The following EXOC4 variants were observed in gnomAD, a reference collection of about 807,000 sequenced individuals.
The protein encoded by EXOC4 is exocyst complex component 4, also known as SEC8-like 1.
Under a neutral mutation model 107.2 loss-of-function variants are expected in EXOC4, and 71 were observed. The ratio of observed to expected loss-of-function variants is 0.66; its 90% CI spans 0.55 to 0.81. The LOEUF is 0.81. Among genes scored for constraint, EXOC4 ranks in the 30% least tolerant of loss-of-function variants. EXOC4 has a pLI of 0.00. For missense variants in EXOC4, 1,108 were observed against 1,189.6 expected, an observed-to-expected ratio of 0.93 and a Z score of 1.01; for synonymous variants, 456 against 441.2, an observed-to-expected ratio of 1.03 and a Z score of -0.42.
At chr7:134,089,989 A>T in the EXOC4 span, among the ~76,000 whole-genome samples, 1 of 152,224 alleles carries the variant, frequency 6.6e-6, no homozygotes, top group Non-Finnish European at 1.5e-5. Flanking sequence ...AGAAATGTTT[A>T]CATTTTGGAA....
At chr7:133,859,720 A>G (rs965812943) in intron 11 of EXOC4, among the ~76,000 whole-genome samples, 4 of 152,218 alleles carry the variant, frequency 2.6e-5, no homozygotes, top group Non-Finnish European at 5.9e-5. Context: ...TTCTAGAGAT[A>G]GAACAAAAGG....
At chr7:133,297,912 C>G (rs1794554369) in intron 3 of EXOC4, among the ~76,000 whole-genome samples, 1 of 152,176 alleles carries the variant, frequency 6.6e-6, no homozygotes, top group African/African-American at 2.4e-5. Flanking sequence ...CGTTTGCTGC[C>G]ATCCTCCATC....
chr7:133,552,985 A>G (rs1236594992), intron 9 of EXOC4, among the ~76,000 whole-genome samples: 1 of 152,118 alleles, frequency 6.6e-6, no homozygotes, highest in Admixed American at 6.6e-5. Context: ...TGCTTTTGGT[A>G]TAATTGAAGG....
intron 14 of EXOC4, among the ~76,000 whole-genome samples, chr7:133,987,006 A>G (rs1794130132): frequency 1.3e-5 from 2 of 152,322 alleles, no homozygotes; most frequent in Non-Finnish European, 2.9e-5. Context: ...CACAGACCTA[A>G]TGAGCATTCC....
At chr7:134,085,312 G>T in the EXOC4 span, among the ~76,000 whole-genome samples, 1 of 143,118 alleles carries the variant, frequency 7.0e-6, no homozygotes, top group Non-Finnish European at 1.5e-5. Flanking sequence ...AAGAATACGT[G>T]GCCAAAAAAA....
intron 2 of EXOC4, among the ~76,000 whole-genome samples, chr7:133,283,878 C>T (rs1361226768): frequency 6.6e-6 from 1 of 152,022 alleles, no homozygotes; most frequent in African/African-American, 2.4e-5. Flanking sequence ...TTTTGCTTGC[C>T]ATAATGTTTT....
At chr7:133,374,715 C>T in intron 6 of EXOC4, 113 bp from the exon 7 acceptor site, 1 of 805,648 alleles carries the variant, frequency 1.2e-6, no homozygotes, top group Non-Finnish European at 1.9e-6. Context: ...AACGTTAATG[C>T]TGTTTACATT....
chr7:133,777,084 T>C (rs910109012), intron 10 of EXOC4, among the ~76,000 whole-genome samples: 2 of 152,098 alleles, frequency 1.3e-5, no homozygotes, highest in African/African-American at 4.8e-5. Flanking sequence ...TTTATAAATA[T>C]ATTTTGTTGT....
At chr7:133,823,586 G>A (rs968440197) in intron 11 of EXOC4, among the ~76,000 whole-genome samples, 4 of 151,222 alleles carry the variant, frequency 2.6e-5, no homozygotes, top group African/African-American at 9.7e-5. Context: ...AGGCCGAGGC[G>A]GATGGATCAC....
Position 133,365,698 on chromosome 7 carries a change from C to G in EXOC4, c.1007+9125C>G, listed in dbSNP as rs1478596045. Among the ~76,000 whole-genome samples the G allele has an allele frequency of 2.0e-5, 3 of 152,046 alleles. No individual in the cohort carries two copies. The East Asian group carries it at 5.8e-4, about 29-fold the overall frequency. ...TAAGTGGTAAAACGTATTTCTATCC[C>G]TTAGAAGTAGGTATTAGATAACCTT... On this transcript the variant is annotated intron_variant, in intron 6 of 17. Coordinates refer to ENST00000253861, the MANE Select transcript of EXOC4 (RefSeq NM_021807.4).
intron 7 of EXOC4, among the ~76,000 whole-genome samples, chr7:133,437,853 TCAAAGA>T (rs1798011372): frequency 6.6e-6 from 1 of 152,196 alleles, no homozygotes. Context: ...ATTTTTCTTG[TCAAAGA>T]CAAATTAAAA....
intron 10 of EXOC4, among the ~76,000 whole-genome samples, chr7:133,739,117 G>A (rs1030789961): frequency 2.0e-5 from 3 of 151,900 alleles, no homozygotes; most frequent in Admixed American, 6.6e-5. Context: ...CCATGGTATA[G>A]GACTATACTT....
the EXOC4 span, among the ~76,000 whole-genome samples, chr7:134,072,521 G>A: frequency 2.0e-5 from 3 of 152,118 alleles, no homozygotes; most frequent in African/African-American, 7.2e-5. Context: ...TGCTGCAGAG[G>A]GGAAAGAAGA....
intron 9 of EXOC4, among the ~76,000 whole-genome samples, chr7:133,560,550 A>G (rs971436159): frequency 6.6e-5 from 10 of 152,094 alleles, no homozygotes; most frequent in African/African-American, 2.2e-4. Context: ...TCCCAAAGTG[A>G]TGGGATTATA....
chr7:133,647,646 T>G (rs1803026585), intron 10 of EXOC4, among the ~76,000 whole-genome samples: 1 of 152,068 alleles, frequency 6.6e-6, no homozygotes, highest in South Asian at 2.1e-4. Flanking sequence ...CAGAGGAGGC[T>G]CAAAGGCTCG....
intron 11 of EXOC4, among the ~76,000 whole-genome samples, chr7:133,853,870 G>A (rs1369882047): frequency 1.3e-5 from 2 of 152,190 alleles, no homozygotes; most frequent in Non-Finnish European, 2.9e-5. Context: ...GCCTGTTTGT[G>A]CTGTGCCCTC....
chr7:133,695,484 AT>A (rs558830663), intron 10 of EXOC4, among the ~76,000 whole-genome samples: 39 of 151,838 alleles, frequency 2.6e-4, no homozygotes, highest in Middle Eastern at 6.8e-3. Context: ...TATGTCTAGC[AT>A]TTTTTTTAAT....
intron 5 of EXOC4, among the ~76,000 whole-genome samples, chr7:133,330,610 A>G (rs1029065472): frequency 2.0e-5 from 3 of 152,040 alleles, no homozygotes; most frequent in Non-Finnish European, 4.4e-5. Context: ...AGAAAAGTTC[A>G]GTATCTAGTC....
chr7:133,451,789 ATG>A (rs1205026130), intron 7 of EXOC4, among the ~76,000 whole-genome samples: 1 of 152,162 alleles, frequency 6.6e-6, no homozygotes, highest in Non-Finnish European at 1.5e-5. Context: ...GGTCTCCAGC[ATG>A]ATACTAGTTT....
Sources: gnomAD v4.1 joint callset for allele counts (sites outside exome capture counted in the v4.1 genomes callset) on GRCh38, gnomAD v4.1.1 for gene constraint, MANE v1.5 for transcripts, NCBI Gene and HGNC (gene_info 2026-07-23, HGNC 2026-07-21) for gene names.